HIPK2: variants seen among roughly 807,000 people sequenced by gnomAD.
HIPK2 encodes the protein homeodomain-interacting protein kinase 2.
HIPK2 carries 27 observed loss-of-function variants against 113.7 expected under a neutral mutation model. That is an observed-to-expected ratio of 0.24 (90% CI 0.17 to 0.33). The LOEUF is 0.33. Among genes scored for constraint, HIPK2 ranks in the 10% least tolerant of loss-of-function variants. The pLI is 1.00. For missense variants in HIPK2, 1,257 were observed against 1,588.0 expected, an observed-to-expected ratio of 0.79 and a Z score of 3.54; for synonymous variants, 631 against 642.2, an observed-to-expected ratio of 0.98 and a Z score of 0.26.
intron 2 of HIPK2, among the ~76,000 whole-genome samples, chr7:139,660,230 A>G (rs1801819840): frequency 6.6e-6 from 1 of 152,224 alleles, no homozygotes; most frequent in Non-Finnish European, 1.5e-5. Flanking sequence ...GGAAAATGGC[A>G]AAGCCTATAG....
chr7:139,741,442 T>C (rs1293609145), intron 1 of HIPK2, among the ~76,000 whole-genome samples: 3 of 152,200 alleles, frequency 2.0e-5, no homozygotes, highest in Admixed American at 2.0e-4. Flanking sequence ...CAAACTTTGT[T>C]GGCAGGCCTG....
Position 139,571,720 on chromosome 7 carries a change from TTG to T in HIPK2, c.*1205_*1206del, listed in dbSNP as rs1798287669. 6.6e-6 allele frequency: 1 copy of T among 151,906 alleles called. No homozygotes were observed. The highest frequency in any genetic ancestry group is 1.5e-5 in the Non-Finnish European group (1 of 68,012). 9.4% of individuals were successfully genotyped at this position (151,906 alleles called of 1,614,324 possible). Reference sequence around the variant, plus strand: ...CAACAGCACAACAGAAGAGCTGAGATTGTGTCTGACTAGCCTCAGTTTCTTGG... The same window carrying T: ...CAACAGCACAACAGAAGAGCTGAGATTGTCTGACTAGCCTCAGTTTCTTGG... On this transcript the variant is annotated 3_prime_UTR_variant, in exon 15 of 15. Transcript: ENST00000406875.
Position 139,584,045 on chromosome 7 carries a change from T to C in HIPK2, c.2737A>G (p.Lys913Glu), listed in dbSNP as rs369931135. The C allele has an allele frequency of 6.6e-5, 106 of 1,597,258 alleles. No homozygotes were observed. The highest frequency in any genetic ancestry group is 9.0e-5 in the Non-Finnish European group (105 of 1,170,082). ...APTSTVSKQR[K>E]NVISCVTVHD... ...ACTGTGACACAGCTGATGACGTTTT[T>C]TCTTTGCTTGGAGACAGTGCTGAAA... Residue 913 changes from lysine (K) to glutamate (E), a missense_variant, in exon 13 of 15, where the codon AAA (lysine) becomes GAA (glutamate). Transcript: ENST00000406875.
chr7:139,603,362 C>T (rs10235001), intron 10 of HIPK2, among the ~76,000 whole-genome samples: 17,449 of 151,782 alleles, frequency 0.11, 1,122 homozygotes, highest in African/African-American at 0.15. Flanking sequence ...TGGTGGTGTT[C>T]GGGGGAAGGT....
intron 1 of HIPK2, among the ~76,000 whole-genome samples, chr7:139,776,527 C>CA: frequency 6.6e-6 from 1 of 152,246 alleles, no homozygotes; most frequent in Admixed American, 6.5e-5. Flanking sequence ...ACATTCCCCC[C>CA]TCGTGCCCTC....
chr7:139,700,571 TG>T (rs1794680045), intron 2 of HIPK2, among the ~76,000 whole-genome samples: 1 of 152,136 alleles, frequency 6.6e-6, no homozygotes, highest in South Asian at 2.1e-4. Flanking sequence ...ACATCCACGC[TG>T]TATTTTCTGA....
intron 1 of HIPK2, among the ~76,000 whole-genome samples, chr7:139,730,814 G>A (rs1795753376): frequency 1.3e-5 from 2 of 152,118 alleles, no homozygotes; most frequent in Admixed American, 1.3e-4. Context: ...AATTCATTAA[G>A]GTGAGCCGTA....
In HIPK2 at chr7:139,620,415, T is replaced by C; in HGVS notation, c.1768A>G (p.Thr590Ala). ...TTCCCACTTACCTGGTTGTGGACAG[T>C]GGTCAGCTGGTTGTTAAAGGTCATG... ...LTMTFNNQLT[T>A]VHNQAPSSTS... Residue 590 changes from threonine to alanine, a missense_variant, in exon 7 of 15, where the codon ACT (threonine) becomes GCT (alanine). By Grantham distance (58) the Thr-to-Ala change is moderately conservative. This residue lies in a region of HIPK2 where 862 missense variants were observed against 1,004.3 expected (regional missense o/e 0.86). Transcript: ENST00000406875. The C allele has an allele frequency of 6.2e-7, 1 of 1,613,874 alleles. No homozygotes were observed. Among genetic ancestry groups the C allele is most frequent in the South Asian group, 1.1e-5 (1 of 91,066 alleles).
At chr7:139,600,651 C>A in intron 10 of HIPK2, 55 bp from the exon 11 acceptor site, 1 of 1,570,130 alleles carries the variant, frequency 6.4e-7, no homozygotes, top group Non-Finnish European at 8.7e-7. Flanking sequence ...AAGTAGAGCT[C>A]CTCTATAAGA....
intron 2 of HIPK2, among the ~76,000 whole-genome samples, chr7:139,701,048 C>T (rs1041001967): frequency 7.9e-5 from 12 of 152,340 alleles, no homozygotes; most frequent in Non-Finnish European, 1.3e-4. Flanking sequence ...TTTCTGTCAG[C>T]GCCAGCACCA....
chr7:139,611,168 A>G (rs896728438), intron 9 of HIPK2, among the ~76,000 whole-genome samples: 1 of 152,312 alleles, frequency 6.6e-6, no homozygotes, highest in Non-Finnish European at 1.5e-5. Flanking sequence ...GACCAAACCC[A>G]CTCGTGTGGG....
intron 2 of HIPK2, among the ~76,000 whole-genome samples, chr7:139,685,616 A>C (rs149656640): frequency 1.4e-3 from 209 of 152,318 alleles, no homozygotes; most frequent in African/African-American, 4.6e-3. Context: ...GGTGACTTTA[A>C]GTCGAAGCCA....
At chr7:139,768,880 G>T (rs763343177) in intron 1 of HIPK2, among the ~76,000 whole-genome samples, 1 of 152,206 alleles carries the variant, frequency 6.6e-6, no homozygotes, top group Non-Finnish European at 1.5e-5. Context: ...GGGAGAGGAA[G>T]AGCCCTAGCT....
At chr7:139,651,395 A>C (rs887558128) in intron 2 of HIPK2, among the ~76,000 whole-genome samples, 5 of 152,142 alleles carry the variant, frequency 3.3e-5, no homozygotes, top group African/African-American at 1.2e-4. Flanking sequence ...AACATTTAGA[A>C]CTCAGGTGAT....
intron 2 of HIPK2, among the ~76,000 whole-genome samples, chr7:139,635,969 T>C (rs57100717): frequency 0.018 from 2,706 of 152,216 alleles, 90 homozygotes; most frequent in African/African-American, 0.061. Flanking sequence ...CAAGGCCCAC[T>C]CTCTGGAGAG....
chr7:139,573,910 C>T (rs900363809), intron 14 of HIPK2, among the ~76,000 whole-genome samples: 1 of 151,908 alleles, frequency 6.6e-6, no homozygotes, highest in African/African-American at 2.4e-5. Flanking sequence ...ACTCACTGGG[C>T]TGGGATGATA....
At chr7:139,659,742 G>T (rs1264882917) in intron 2 of HIPK2, among the ~76,000 whole-genome samples, 3 of 105,258 alleles carry the variant, frequency 2.9e-5, no homozygotes, top group African/African-American at 1.1e-4. Flanking sequence ...GCTGGCTAGA[G>T]CTGCATTCTC....
At chr7:139,754,021 G>A (rs908753310) in intron 1 of HIPK2, among the ~76,000 whole-genome samples, 4 of 152,228 alleles carry the variant, frequency 2.6e-5, no homozygotes, top group East Asian at 1.9e-4. Flanking sequence ...CTTCAAAGAC[G>A]GGCGCCACGC....
intron 13 of HIPK2, among the ~76,000 whole-genome samples, chr7:139,576,149 T>C (rs1393784799): frequency 6.6e-6 from 1 of 152,240 alleles, no homozygotes; most frequent in East Asian, 1.9e-4. Context: ...CAGAGTCACC[T>C]GGTCCAGTTA....
Sources: allele counts gnomAD v4.1 joint callset (sites outside exome capture counted in the v4.1 genomes callset), GRCh38; gene constraint gnomAD v4.1.1; regional missense constraint gnomAD v4.1.1; transcripts MANE v1.5; gene names NCBI Gene and HGNC (gene_info 2026-07-23, HGNC 2026-07-21).